MTF1: variants seen among roughly 807,000 people sequenced by gnomAD.
MTF1 encodes MRE-binding transcription factor.
Under a neutral mutation model 70.4 loss-of-function variants are expected in MTF1, and 22 were observed. The observed-to-expected ratio is 0.31, with a 90% CI of 0.22 to 0.45. MTF1 has a LOEUF of 0.45. MTF1 is among the 20% of genes least tolerant of loss of function. The pLI is 1.00. For missense variants in MTF1, 649 were observed against 922.0 expected, an observed-to-expected ratio of 0.70 and a Z score of 3.83; for synonymous variants, 333 against 352.8, an observed-to-expected ratio of 0.94 and a Z score of 0.63.
At chr1:37,821,959 A>C (rs766233392) in intron 9 of MTF1, among the ~76,000 whole-genome samples, 162 bp downstream of exon 9, 1 of 152,156 alleles carries the variant, frequency 6.6e-6, no homozygotes, top group East Asian at 1.9e-4. Flanking sequence ...AGCATTTCCT[A>C]CGTTTATACC....
intron 2 of MTF1, among the ~76,000 whole-genome samples, chr1:37,850,788 C>T (rs1446468699): frequency 2.0e-5 from 3 of 152,156 alleles, no homozygotes; most frequent in East Asian, 3.9e-4. Flanking sequence ...CAACTCCACA[C>T]TATATGAAAC....
chr1:37,819,292 G>A (rs570796418), intron 9 of MTF1, among the ~76,000 whole-genome samples: 4 of 152,298 alleles, frequency 2.6e-5, no homozygotes, highest in East Asian at 3.9e-4. Context: ...GATGATGCAC[G>A]TAGGACACTT....
Position 37,859,583 on chromosome 1 carries a change from C to A in MTF1, c.-104G>T. ...CAGCAGCTTCTCCCCTCCCCAGCGG[C>A]ACCATGATTGCCCCCACCTTCCCCT... On this transcript the variant is annotated 5_prime_UTR_variant, in exon 1 of 11. Coordinates refer to ENST00000373036, the MANE Select transcript of MTF1 (RefSeq NM_005955.3). The A allele has an allele frequency of 2.5e-6, 1 of 398,992 alleles. No homozygotes were observed. Among genetic ancestry groups the A allele is most frequent in the Non-Finnish European group, 4.4e-6 (1 of 226,362 alleles). The allele number at this position is 398,992 out of a possible 1,614,324, so 24.7% of individuals were successfully genotyped here. A position where few individuals can be genotyped will look rare whatever the true frequency, so the allele number is the denominator to read the frequency against.
intron 2 of MTF1, among the ~76,000 whole-genome samples, chr1:37,856,224 C>G (rs1473611780): frequency 1.6e-5 from 2 of 121,388 alleles, no homozygotes; most frequent in Non-Finnish European, 3.2e-5. Context: ...CTCATCCAGC[C>G]TGGAGTGCAG....
intron 2 of MTF1, among the ~76,000 whole-genome samples, chr1:37,854,550 T>C (rs1265028358): frequency 1.3e-5 from 2 of 152,230 alleles, no homozygotes; most frequent in Non-Finnish European, 2.9e-5. Context: ...AAAATGTTTC[T>C]AGACATTGCC....
chr1:37,822,555 GCGGAGGAGCAGA>G lies in MTF1; in HGVS notation c.1321_1332del (p.Ser441_Pro444del). 1 of 1,614,122 alleles carries G rather than the reference GCGGAGGAGCAGA, an allele frequency of 6.2e-7. No individual in the cohort carries two copies. The highest frequency in any genetic ancestry group is 1.3e-5 in the African/African-American group (1 of 75,024). On this transcript the variant is annotated inframe_deletion, in exon 9 of 11. Coordinates refer to ENST00000373036, the MANE Select transcript of MTF1 (RefSeq NM_005955.3). ...GAGCCAGGTCCTAGGGAGGGAGCAG[GCGGAGGAGCAGA>G]CGGAGCTGAGGCAGGTAGTAGAGGC...
chr1:37,835,709 G>A lies in MTF1; in HGVS notation c.815C>T (p.Ala272Val). Residue 272 changes from alanine (A) to valine (V), a missense_variant, in exon 5 of 11, where the codon GCA (alanine) becomes GTA (valine). Coordinates refer to ENST00000373036, the MANE Select transcript of MTF1 (RefSeq NM_005955.3). ...AACGTGAGTTTTAAGGTGGTGGCTTGCTGCAAATGCTTTTCCACAGCCATC... is the reference window on the plus strand; with the variant it reads ...AACGTGAGTTTTAAGGTGGTGGCTTACTGCAAATGCTTTTCCACAGCCATC... ...DHDGCGKAFA[A>V]SHHLKTHVRT... is the part of the protein sequence containing the mutation. 1.2e-6 allele frequency: 2 copies of A among 1,614,098 alleles called. No homozygotes were observed. The highest frequency in any genetic ancestry group is 1.7e-6 in the Non-Finnish European group (2 of 1,179,990).
Position 37,857,453 on chromosome 1 carries a change from T to C in MTF1, c.206A>G (p.Glu69Gly). ...EDEDDDGQCG[E>G]HLPFLVGGEE... is the part of the protein sequence containing the mutation. ...ACCCCCTACTAGAAAAGGCAAGTGTTCTCCGCACTGTCCGTCGTCATCTTC... is the reference window on the plus strand; with the variant it reads ...ACCCCCTACTAGAAAAGGCAAGTGTCCTCCGCACTGTCCGTCGTCATCTTC... The change falls in exon 2 of 11, where the codon GAA becomes GGA. Residue 69 changes from glutamate (E) to glycine (G), a missense_variant. Glu to Gly is a moderately conservative substitution (Grantham distance 98, BLOSUM62 -2). This residue lies in a region of MTF1 where 44 missense variants were observed against 38.1 expected (regional missense o/e 1.15). Coordinates refer to ENST00000373036, the MANE Select transcript of MTF1 (RefSeq NM_005955.3). 1 of 1,614,150 alleles carries C rather than the reference T, an allele frequency of 6.2e-7. No individual in the cohort carries two copies. The highest frequency in any genetic ancestry group is 8.5e-7 in the Non-Finnish European group (1 of 1,180,024).
At chr1:37,851,859 T>TAA (rs374629951) in intron 2 of MTF1, among the ~76,000 whole-genome samples, 1 of 136,854 alleles carries the variant, frequency 7.3e-6, no homozygotes, top group African/African-American at 2.7e-5. Context: ...CAAACTTATT[T>TAA]AAAAAAAAAA....
intron 2 of MTF1, among the ~76,000 whole-genome samples, chr1:37,849,567 G>A (rs1171341599): frequency 1.3e-5 from 2 of 152,090 alleles, no homozygotes; most frequent in Non-Finnish European, 1.5e-5. Context: ...ATGCTCCTTG[G>A]CCAACTACTC....
rs1321429654 is a variant in MTF1, at chr1:37,822,493, T to C, written c.1395A>G (p.Leu465=). 6.2e-7 allele frequency: 1 copy of C among 1,614,004 alleles called. No homozygotes were observed. The highest frequency in any genetic ancestry group is 1.7e-5 in the Admixed American group (1 of 59,992). ...GGGGAACAGGCACTTCTGGAGGTTG[T>C]AAGAGAGCAGGGGGGTTGCCAAATG... ...QAAFGNPPAL[L]QPPEVPVPHS... Residue 465 remains leucine, a synonymous_variant, in exon 9 of 11, where the codon TTA becomes TTG. Coordinates refer to ENST00000373036, the MANE Select transcript of MTF1 (RefSeq NM_005955.3).
chr1:37,828,182 A>AG, intron 7 of MTF1: 1 of 417,366 alleles, frequency 2.4e-6, no homozygotes, highest in Non-Finnish European at 4.7e-6. Context: ...TTAAAAAAAA[A>AG]AAAACAGGAA....
intron 10 of MTF1, among the ~76,000 whole-genome samples, chr1:37,816,962 T>C (rs1640827260): frequency 1.3e-5 from 2 of 152,172 alleles, no homozygotes; most frequent in Admixed American, 1.3e-4. Flanking sequence ...CTTACAACCT[T>C]GGGGGAGTCA....
rs766621404 is a variant in MTF1 at position 37,819,951 on chromosome 1, C to CAAA, written c.1767+2167_1767+2169dup. Among the ~76,000 whole-genome samples, 442 of 82,626 alleles carry CAAA rather than the reference C, an allele frequency of 5.3e-3. 13 individuals carry two copies. Among genetic ancestry groups the CAAA allele is most frequent in the South Asian group, 0.01 (22 of 2,138 alleles). 54.2% of individuals were successfully genotyped at this position (82,626 alleles called of 152,430 possible). A position where few individuals can be genotyped will look rare whatever the true frequency, so the allele number is the denominator to read the frequency against. On this transcript the variant is annotated intron_variant, in intron 9 of 10. Transcript: ENST00000373036. ...TAGGCAACAGAGCAAGACTCTGACT[C>CAAA]AAAAAAAAAAAAAAAAAAAAAAAAA... is the stretch of plus-strand genomic sequence containing the variant.
In MTF1 at chr1:37,840,891, C is replaced by T; in HGVS notation, c.409-733G>A. 4.2e-6 allele frequency: 1 copy of T among 238,304 alleles called. No homozygotes were observed. Among genetic ancestry groups the T allele is most frequent in the South Asian group, 4.5e-5 (1 of 22,036 alleles). 14.8% of individuals were successfully genotyped at this position (238,304 alleles called of 1,614,324 possible). On this transcript the variant is annotated intron_variant, in intron 2 of 10. Transcript: ENST00000373036. The surrounding 1 kb of genome is among the most constrained non-coding windows in gnomAD (Gnocchi z 4.5). ...CCAGCAGCTTCCTCAGAGACTTTGG[C>T]AGGGATATTGGGGCCAGGGTCATGG...
At chr1:37,818,581 G>T (rs1040925758) in intron 9 of MTF1, among the ~76,000 whole-genome samples, 2 of 151,936 alleles carry the variant, frequency 1.3e-5, no homozygotes, top group Admixed American at 6.6e-5. Context: ...GCGGGCGCCT[G>T]TAGTCCCAGC....
intron 4 of MTF1, among the ~76,000 whole-genome samples, chr1:37,837,423 C>T (rs544673995): frequency 5.9e-4 from 90 of 152,106 alleles, no homozygotes; most frequent in Admixed American, 9.8e-4. Context: ...CCTAACAAAA[C>T]GAGTGGTTTA....
intron 2 of MTF1, among the ~76,000 whole-genome samples, chr1:37,843,702 T>TA (rs968720992): frequency 1.1e-4 from 16 of 152,188 alleles, no homozygotes; most frequent in African/African-American, 3.9e-4. Flanking sequence ...TCTTATGATT[T>TA]AAAAAAATCA....
At chr1:37,856,499 C>CTTTT (rs35260301) in intron 2 of MTF1, among the ~76,000 whole-genome samples, 3 of 122,706 alleles carry the variant, frequency 2.4e-5, no homozygotes, top group Non-Finnish European at 3.4e-5. Context: ...GAATTTCTTT[C>CTTTT]TTTTTTTTTT....
Sources: allele counts gnomAD v4.1 joint callset (sites outside exome capture counted in the v4.1 genomes callset), GRCh38; gene constraint gnomAD v4.1.1; regional missense constraint gnomAD v4.1.1; non-coding constraint Gnocchi (gnomAD v3.1); transcripts MANE v1.5; gene names NCBI Gene and HGNC (gene_info 2026-07-23, HGNC 2026-07-21).